The following CDH2 variants were observed in gnomAD, a reference collection of about 807,000 sequenced individuals.
CDH2 encodes cadherin-2.
CDH2 carries 17 observed loss-of-function variants against 92.0 expected under a neutral mutation model. The ratio of observed to expected loss-of-function variants is 0.18; its 90% CI spans 0.13 to 0.28. CDH2 has a LOEUF of 0.28. CDH2 is among the 10% of genes least tolerant of loss of function. CDH2 has a pLI of 1.00. For synonymous variants in CDH2, 419 were observed against 415.9 expected (o/e 1.01, Z -0.09); for missense variants, 862 against 1,133.1 (o/e 0.76, Z 3.44).
chr18:27,979,138 T>C (rs894719858), intron 14 of CDH2, among the ~76,000 whole-genome samples: 1 of 152,160 alleles, frequency 6.6e-6, no homozygotes. Flanking sequence ...ATATCTATAA[T>C]CTATAAGGAC....
At chr18:28,049,444 T>A (rs1389981408) in intron 2 of CDH2, among the ~76,000 whole-genome samples, 2 of 152,114 alleles carry the variant, frequency 1.3e-5, no homozygotes, top group Non-Finnish European at 2.9e-5. Flanking sequence ...AGGACAAATA[T>A]ACACTGTGGT....
intron 2 of CDH2, among the ~76,000 whole-genome samples, chr18:28,100,562 A>G (rs536107598): frequency 1.5e-4 from 23 of 152,268 alleles, no homozygotes; most frequent in Admixed American, 7.8e-4. Flanking sequence ...GTTTCTCTGG[A>G]GAACCTTGGC....
intron 1 of CDH2, among the ~76,000 whole-genome samples, chr18:28,162,362 C>T (rs17536848): frequency 0.058 from 8,774 of 152,158 alleles, 869 homozygotes; most frequent in African/African-American, 0.2. Context: ...GCCACATGTG[C>T]CCTTAGATTG....
At chr18:27,938,987 A>C (rs1567928768) in intron 6 of CDH2, among the ~76,000 whole-genome samples, 1 of 152,318 alleles carries the variant, frequency 6.6e-6, no homozygotes, top group South Asian at 2.1e-4. Flanking sequence ...TATCCCTAGA[A>C]GTTTATACAA....
chr18:28,092,221 C>G (rs1275279770), intron 2 of CDH2, among the ~76,000 whole-genome samples: 4 of 152,086 alleles, frequency 2.6e-5, no homozygotes, highest in Admixed American at 2.6e-4. Flanking sequence ...CTCAGTCTAA[C>G]ATGTAATGAC....
intron 6 of CDH2, among the ~76,000 whole-genome samples, chr18:28,004,515 T>C (rs1028551786): frequency 1.3e-5 from 2 of 152,214 alleles, no homozygotes; most frequent in African/African-American, 2.4e-5. Flanking sequence ...GTGGCTCATA[T>C]GGAAATTCAT....
chr18:28,022,591 T>C (rs1020214951), intron 2 of CDH2, among the ~76,000 whole-genome samples: 4 of 152,074 alleles, frequency 2.6e-5, no homozygotes, highest in African/African-American at 9.7e-5. Context: ...AAGTTCTTTC[T>C]TGTCATGAGC....
chr18:28,125,204 T>C (rs1041117801), intron 2 of CDH2, among the ~76,000 whole-genome samples: 1 of 152,186 alleles, frequency 6.6e-6, no homozygotes, highest in African/African-American at 2.4e-5. Context: ...TGAAACTCAC[T>C]GTAAAGTCAA....
intron 2 of CDH2, among the ~76,000 whole-genome samples, chr18:28,092,948 A>G (rs1040975927): frequency 2.0e-5 from 3 of 152,178 alleles, no homozygotes; most frequent in East Asian, 1.9e-4. Context: ...ATGATTTTGA[A>G]TATTTTTCTA....
intron 5 of CDH2, among the ~76,000 whole-genome samples, chr18:28,006,344 C>G (rs1043472808): frequency 6.6e-6 from 1 of 152,152 alleles, no homozygotes; most frequent in Admixed American, 6.5e-5. Flanking sequence ...GCTGACAGGA[C>G]TTAGATCCAA....
At position 28,063,003 on chromosome 18, in the gene CDH2, G is replaced by A. The variant is rs542324593; in HGVS notation, c.173-49094C>T. Among the ~76,000 whole-genome samples, 13 of 152,124 alleles carry A rather than the reference G, an allele frequency of 8.5e-5. No individual in the cohort carries two copies. The South Asian group carries it at 2.7e-3, about 32-fold the overall frequency. On this transcript the variant is annotated intron_variant, in intron 2 of 15. Coordinates refer to ENST00000269141, the MANE Select transcript of CDH2 (RefSeq NM_001792.5). Reference sequence around the variant, plus strand: ...CACACATTTCATAAAAGCCTAATATGCTCCCAAACTGTTAAAACTATGTTA... The same window carrying A: ...CACACATTTCATAAAAGCCTAATATACTCCCAAACTGTTAAAACTATGTTA...
chr18:28,018,338 T>A (rs1312850620), intron 2 of CDH2, among the ~76,000 whole-genome samples: 1 of 152,052 alleles, frequency 6.6e-6, no homozygotes, highest in Non-Finnish European at 1.5e-5. Context: ...ACAAATTCAA[T>A]GCAATTCCCA....
chr18:28,176,709 G>A (rs1286881326), intron 1 of CDH2, among the ~76,000 whole-genome samples: 2 of 151,976 alleles, frequency 1.3e-5, no homozygotes, highest in Non-Finnish European at 1.5e-5. Context: ...AGGAGCAGAG[G>A]GGACCCGCAA....
intron 2 of CDH2, among the ~76,000 whole-genome samples, chr18:28,094,287 G>A (rs1404473835): frequency 4.6e-5 from 7 of 151,874 alleles, no homozygotes; most frequent in Non-Finnish European, 5.9e-5. Context: ...AGGAGTTCGA[G>A]ACCAGCCTGG....
At chr18:28,153,159 G>A (rs1232167248) in intron 1 of CDH2, among the ~76,000 whole-genome samples, 2 of 152,180 alleles carry the variant, frequency 1.3e-5, no homozygotes, top group Non-Finnish European at 2.9e-5. Flanking sequence ...AATTTGCCAG[G>A]AGAAAGAGGG....
intron 1 of CDH2, among the ~76,000 whole-genome samples, chr18:28,169,527 A>G (rs1416737572): frequency 6.6e-6 from 1 of 152,214 alleles, no homozygotes; most frequent in Admixed American, 6.5e-5. Flanking sequence ...AACATTAAGT[A>G]ACATATCAGA....
chr18:27,934,492 T>G (rs1190214169), intron 6 of CDH2, among the ~76,000 whole-genome samples: 1 of 152,214 alleles, frequency 6.6e-6, no homozygotes. Flanking sequence ...TTTTTCTATT[T>G]TAGCAGGATA....
chr18:28,028,503 TC>T (rs1438042701), intron 2 of CDH2, among the ~76,000 whole-genome samples: 1 of 152,118 alleles, frequency 6.6e-6, no homozygotes, highest in African/African-American at 2.4e-5. Flanking sequence ...TAAGATTTCA[TC>T]CTAAATACTT....
At chr18:28,075,300 G>C (rs2014698174) in intron 2 of CDH2, among the ~76,000 whole-genome samples, 1 of 152,170 alleles carries the variant, frequency 6.6e-6, no homozygotes, top group Non-Finnish European at 1.5e-5. Context: ...CAGAGTGCTA[G>C]ATAGCAGGAG....
Sources: allele counts gnomAD v4.1 joint callset (sites outside exome capture counted in the v4.1 genomes callset), GRCh38; gene constraint gnomAD v4.1.1; transcripts MANE v1.5; gene names NCBI Gene and HGNC (gene_info 2026-07-23, HGNC 2026-07-21).